The following DIP2C variants were observed in gnomAD, a reference collection of about 807,000 sequenced individuals.
The protein encoded by DIP2C is DIP2 acetate--CoA ligase C (putative).
A neutral mutation model predicts 192.4 loss-of-function variants in DIP2C; 33 were observed. The ratio of observed to expected loss-of-function variants is 0.17; its 90% CI spans 0.13 to 0.23. The LOEUF is 0.23. DIP2C is among the 10% of genes least tolerant of loss of function. The probability of loss-of-function intolerance (pLI) is 1.00; values close to 1 mark genes in which losing one functional copy is unlikely to be tolerated. For synonymous variants in DIP2C, 979 were observed against 864.1 expected, an observed-to-expected ratio of 1.13 and a Z score of -2.33; for missense variants, 1,537 against 2,110.1, an observed-to-expected ratio of 0.73 and a Z score of 5.32.
At chr10:357,084 A>G (rs1959117165) in intron 23 of DIP2C, among the ~76,000 whole-genome samples, 2 of 152,104 alleles carry the variant, frequency 1.3e-5, no homozygotes. Context: ...GTACAGAAAA[A>G]CCCACAGATA....
intron 6 of DIP2C, 50 bp from the exon 7 acceptor site, chr10:415,938 T>A: frequency 6.2e-7 from 1 of 1,610,962 alleles, no homozygotes; most frequent in Non-Finnish European, 8.5e-7. Flanking sequence ...ACAGCTTCAA[T>A]GAGCACCCAC....
At chr10:542,710 A>T (rs1848067810) in intron 1 of DIP2C, among the ~76,000 whole-genome samples, 1 of 151,714 alleles carries the variant, frequency 6.6e-6, no homozygotes, top group South Asian at 2.1e-4. Context: ...TCTCTATACC[A>T]CAGGTCATCA....
intron 1 of DIP2C, among the ~76,000 whole-genome samples, chr10:554,156 CTA>C (rs1181719617): frequency 6.7e-6 from 1 of 149,478 alleles, no homozygotes; most frequent in Non-Finnish European, 1.5e-5. Context: ...CAGCTTGTAA[CTA>C]AGAGTGGTGA....
At position 630,191 on chromosome 10, in the gene DIP2C, TC is replaced by T. The variant is rs544363892; in HGVS notation, c.85+59302del. On this transcript the variant is annotated intron_variant, in intron 1 of 36. Coordinates refer to ENST00000280886, the MANE Select transcript of DIP2C (RefSeq NM_014974.3). The stretch of plus-strand genomic sequence containing the variant: ...CACGGAACGACGCCACCATTGCAGT[TC>T]CCAGCTTGACTAGTTGTTTTTCTTT... The T allele has an allele frequency of 1.6e-4, 25 of 152,354 alleles. No individual in the cohort carries two copies. The East Asian group carries it at 3.7e-3, about 22-fold the overall frequency. The allele number at this position is 152,354 out of a possible 1,614,324, so 9.4% of individuals were successfully genotyped here.
At chr10:512,924 A>G (rs866117177) in intron 1 of DIP2C, among the ~76,000 whole-genome samples, 112 of 115,796 alleles carry the variant, frequency 9.7e-4, no homozygotes, top group African/African-American at 3.4e-3. Context: ...CACTTCAGGA[A>G]AAAAAAAAAA....
At chr10:688,484 G>A (rs1162376791) in intron 1 of DIP2C, among the ~76,000 whole-genome samples, 2 of 152,046 alleles carry the variant, frequency 1.3e-5, no homozygotes, top group African/African-American at 4.8e-5. Flanking sequence ...TCTGGCTGCC[G>A]GCCCTCACAA....
At chr10:381,420 T>TC (rs202014990) in intron 17 of DIP2C, among the ~76,000 whole-genome samples, 2 of 152,142 alleles carry the variant, frequency 1.3e-5, no homozygotes, top group South Asian at 2.1e-4. Context: ...TCCTTTTCGG[T>TC]CCTTCGGTGT....
chr10:463,882 C>G (rs886981007), intron 3 of DIP2C, among the ~76,000 whole-genome samples: 2 of 152,058 alleles, frequency 1.3e-5, no homozygotes, highest in Non-Finnish European at 1.5e-5. Flanking sequence ...TGACAAAAAG[C>G]AAGCAATGGG....
At chr10:574,579 A>G (rs1034715569) in intron 1 of DIP2C, among the ~76,000 whole-genome samples, 2 of 152,220 alleles carry the variant, frequency 1.3e-5, no homozygotes, top group African/African-American at 4.8e-5. Flanking sequence ...AAGAACAGGT[A>G]ACATCTTTCT....
chr10:586,424 C>T (rs185317289), intron 1 of DIP2C, among the ~76,000 whole-genome samples: 13 of 152,282 alleles, frequency 8.5e-5, no homozygotes, highest in East Asian at 7.7e-4. Flanking sequence ...ACCAACCTCA[C>T]GCCACCACCC....
chr10:684,948 C>T (rs1831256378), intron 1 of DIP2C, among the ~76,000 whole-genome samples: 1 of 151,670 alleles, frequency 6.6e-6, no homozygotes. Flanking sequence ...GCCTGGCCAA[C>T]ATGGTGAAAC....
chr10:385,806 C>T (rs930437518), intron 14 of DIP2C, among the ~76,000 whole-genome samples: 21 of 152,150 alleles, frequency 1.4e-4, no homozygotes, highest in Non-Finnish European at 2.2e-4. Flanking sequence ...TGGGGGCAGA[C>T]GAGAGGGCAG....
At chr10:379,385 T>C (rs1377412512) in intron 17 of DIP2C, among the ~76,000 whole-genome samples, 2 of 152,156 alleles carry the variant, frequency 1.3e-5, no homozygotes. Flanking sequence ...CGACATGCTC[T>C]GTTTTGCATG....
At chr10:371,672 A>AGCAGAGCAGCACCCGAGGGAG (rs1960975482) in intron 17 of DIP2C, among the ~76,000 whole-genome samples, 1 of 102,130 alleles carries the variant, frequency 9.8e-6, no homozygotes, top group African/African-American at 5.1e-5. Flanking sequence ...GCCTGGGCTG[A>AGCAGAGCAGCACCCGAGGGAG]GCTGAGCAGC....
chr10:575,835 T>C (rs1850114805), intron 1 of DIP2C, among the ~76,000 whole-genome samples: 2 of 152,122 alleles, frequency 1.3e-5, no homozygotes. Context: ...GAAGAGTCAA[T>C]TTAGGGTCAT....
Position 369,607 on chromosome 10 carries a change from G to C in DIP2C, c.2018C>G (p.Pro673Arg). The C allele has an allele frequency of 6.2e-7, 1 of 1,613,708 alleles. No homozygotes were observed. Among genetic ancestry groups the C allele is most frequent in the Non-Finnish European group, 8.5e-7 (1 of 1,179,840 alleles). Residue 673 changes from proline to arginine, a missense_variant, in exon 18 of 37, where the codon CCG becomes CGG. Pro to Arg is a moderately radical substitution (Grantham distance 103). Around this residue, in one of 4 missense-constraint regions of DIP2C, gnomAD observed 677 missense variants for 989.9 expected, o/e 0.68. Coordinates refer to ENST00000280886, the MANE Select transcript of DIP2C (RefSeq NM_014974.3). ...RRPTDDSNQP[P>R]GRGVLSMHGL... is the part of the protein sequence containing the mutation. ...ATGCATGGAGAGGACACCCCGGCCC[G>C]GGGGCTGGTTACTGTCATCCGTGGG...
intron 1 of DIP2C, among the ~76,000 whole-genome samples, chr10:559,366 G>A (rs537602327): frequency 3.4e-4 from 51 of 149,350 alleles, no homozygotes; most frequent in Admixed American, 2.1e-3. Flanking sequence ...ACACAAGCTC[G>A]GTGTGTCCTA....
chr10:436,410 G>A (rs1430243796), intron 4 of DIP2C, among the ~76,000 whole-genome samples: 2 of 152,224 alleles, frequency 1.3e-5, no homozygotes, highest in Non-Finnish European at 2.9e-5. Context: ...GTGTGGATGG[G>A]TGGAGAGCTC....
intron 22 of DIP2C, among the ~76,000 whole-genome samples, 191 bp downstream of exon 22, chr10:362,299 G>T (rs1335154207): frequency 1.3e-5 from 2 of 152,178 alleles, no homozygotes; most frequent in Non-Finnish European, 2.9e-5. Flanking sequence ...GAGAATAAAA[G>T]CAAGGCATTT....
Sources: allele counts gnomAD v4.1 joint callset (sites outside exome capture counted in the v4.1 genomes callset), GRCh38; gene constraint gnomAD v4.1.1; regional missense constraint gnomAD v4.1.1; transcripts MANE v1.5; gene names NCBI Gene and HGNC (gene_info 2026-07-23, HGNC 2026-07-21).